Variants in MIB1 observed in about 807,000 individuals in gnomAD.
MIB1 encodes the protein E3 ubiquitin-protein ligase MIB1.
MIB1 carries 278 observed loss-of-function variants against 124.5 expected under a neutral mutation model. The ratio of observed to expected loss-of-function variants is 2.23; its 90% CI spans 2.02 to 2.47. MIB1 has a LOEUF of 2.47. MIB1 is among the 30% of genes most tolerant of loss of function. MIB1 has a pLI of 0.00. For missense variants in MIB1, 957 were observed against 1,254.4 expected, an observed-to-expected ratio of 0.76 and a Z score of 3.58; for synonymous variants, 446 against 429.4, an observed-to-expected ratio of 1.04 and a Z score of -0.48.
intron 3 of MIB1, among the ~76,000 whole-genome samples, chr18:21,772,972 A>G (rs1168392703): frequency 1.3e-5 from 2 of 152,154 alleles, no homozygotes; most frequent in Non-Finnish European, 2.9e-5. Context: ...GCTTAAAAGA[A>G]TATACTGTTC....
chr18:21,851,751 G>C (rs1453847954), intron 17 of MIB1, among the ~76,000 whole-genome samples: 1 of 152,150 alleles, frequency 6.6e-6, no homozygotes, highest in Admixed American at 6.5e-5. Context: ...CTGGAGGCTA[G>C]GTGGCCAACC....
intron 20 of MIB1, among the ~76,000 whole-genome samples, chr18:21,860,358 C>T (rs778481891): frequency 2.7e-4 from 41 of 152,100 alleles, no homozygotes; most frequent in Admixed American, 1.2e-3. Flanking sequence ...ACCTTGGCCT[C>T]CCAGAGTGCT....
chr18:21,755,749 C>G (rs1400518294), intron 1 of MIB1, among the ~76,000 whole-genome samples: 1 of 152,134 alleles, frequency 6.6e-6, no homozygotes, highest in Admixed American at 6.5e-5. Flanking sequence ...CTTTGGAATA[C>G]TTATTTATTT....
chr18:21,763,686 A>G (rs1001330882), intron 1 of MIB1, among the ~76,000 whole-genome samples: 1 of 152,110 alleles, frequency 6.6e-6, no homozygotes, highest in African/African-American at 2.4e-5. Context: ...TTCCTCTTGA[A>G]TGATCTCGTT....
intron 13 of MIB1, among the ~76,000 whole-genome samples, chr18:21,841,965 T>C (rs72888504): frequency 0.01 from 1,556 of 151,346 alleles, 13 homozygotes; most frequent in Non-Finnish European, 0.017. Context: ...GAAATAGACA[T>C]GATAAAGAAT....
chr18:21,751,773 C>G (rs1227402661), intron 1 of MIB1, among the ~76,000 whole-genome samples: 2 of 152,080 alleles, frequency 1.3e-5, no homozygotes, highest in East Asian at 3.9e-4. Context: ...TTTTGCCACA[C>G]TGTCTCTCTC....
chr18:21,757,709 C>T (rs1157486611), intron 1 of MIB1, among the ~76,000 whole-genome samples: 1 of 151,634 alleles, frequency 6.6e-6, no homozygotes, highest in African/African-American at 2.4e-5. Flanking sequence ...TAGTCTCAAA[C>T]TCCTGACCTC....
intron 1 of MIB1, among the ~76,000 whole-genome samples, chr18:21,754,200 G>A (rs901130661): frequency 7.2e-5 from 11 of 152,322 alleles, no homozygotes; most frequent in Non-Finnish European, 1.6e-4. Context: ...AGCAAGCTGG[G>A]ATGGGATGTT....
At chr18:21,817,154 C>CTTTTTTTTT in intron 11 of MIB1, among the ~76,000 whole-genome samples, 1 of 74,998 alleles carries the variant, frequency 1.3e-5, no homozygotes, top group African/African-American at 5.3e-5. Context: ...GTTAGGAATT[C>CTTTTTTTTT]TTTTTTTTTT....
Position 21,870,000 on chromosome 18 carries a change from T to A in MIB1, c.*5334T>A, listed in dbSNP as rs1422065058. 6.6e-6 allele frequency: 1 copy of A among 152,486 alleles called. No individual in the cohort carries two copies. Among genetic ancestry groups the A allele is most frequent in the Non-Finnish European group, 1.5e-5 (1 of 67,962 alleles). 9.4% of individuals were successfully genotyped at this position (152,486 alleles called of 1,614,324 possible). A position where few individuals can be genotyped will look rare whatever the true frequency, so the allele number is the denominator to read the frequency against. On this transcript the variant is annotated 3_prime_UTR_variant, in exon 21 of 21. Coordinates refer to ENST00000261537, the MANE Select transcript of MIB1 (RefSeq NM_020774.4). ...GACTCATAGCAGTGTTTTGTATTTT[T>A]TCTAATTCTTTAGCTTTCAATATTG...
At chr18:21,838,948 G>A (rs1052100754) in intron 13 of MIB1, among the ~76,000 whole-genome samples, 1 of 152,148 alleles carries the variant, frequency 6.6e-6, no homozygotes, top group Admixed American at 6.5e-5. Flanking sequence ...TTTATGGCTC[G>A]ATAGCAGTAC....
intron 10 of MIB1, among the ~76,000 whole-genome samples, chr18:21,814,959 C>T (rs1214353449): frequency 2.6e-4 from 35 of 134,558 alleles, no homozygotes; most frequent in Non-Finnish European, 3.1e-5. Context: ...AAAAAATTGG[C>T]TTACCATCAT....
chr18:21,823,393 C>A (rs1284782466), intron 12 of MIB1, among the ~76,000 whole-genome samples: 1 of 150,258 alleles, frequency 6.7e-6, no homozygotes, highest in Non-Finnish European at 1.5e-5. Context: ...ATAGCAAGAC[C>A]CTGTCTCTAA....
intron 10 of MIB1, 148 bp downstream of exon 10, chr18:21,804,162 T>G: frequency 3.2e-6 from 2 of 628,156 alleles, no homozygotes; most frequent in East Asian, 5.6e-5. Context: ...AGAGGCAACT[T>G]GAAACAGTTC....
chr18:21,779,143 T>G (rs957218457), intron 5 of MIB1, among the ~76,000 whole-genome samples: 1 of 152,186 alleles, frequency 6.6e-6, no homozygotes, highest in Non-Finnish European at 1.5e-5. Flanking sequence ...GTGGTTCTAA[T>G]GCAGTGATAG....
chr18:21,746,936 A>G (rs1216621491), intron 1 of MIB1, among the ~76,000 whole-genome samples: 5 of 152,176 alleles, frequency 3.3e-5, no homozygotes, highest in Non-Finnish European at 7.4e-5. Flanking sequence ...AAAAAATGAA[A>G]TGAATTAATA....
chr18:21,821,814 G>A (rs1598627294), intron 12 of MIB1, among the ~76,000 whole-genome samples: 1 of 152,034 alleles, frequency 6.6e-6, no homozygotes, highest in African/African-American at 2.4e-5. Flanking sequence ...CGTTAGCCAG[G>A]ATGGTCTCGA....
intron 1 of MIB1, among the ~76,000 whole-genome samples, chr18:21,745,675 A>AACACAACACACAC (rs2040903535): frequency 6.9e-6 from 1 of 144,652 alleles, no homozygotes; most frequent in African/African-American, 2.5e-5. Flanking sequence ...ATAGGTGTTA[A>AACACAACACACAC]ACACACACAC....
upstream of MIB1, among the ~76,000 whole-genome samples, chr18:21,738,803 T>C (rs2040807204): frequency 6.2e-5 from 2 of 32,480 alleles, no homozygotes; most frequent in Non-Finnish European, 1.1e-4. Context: ...TGAGACTCCA[T>C]CTCAAAAAAA....
Sources: gnomAD v4.1 joint callset for allele counts (sites outside exome capture counted in the v4.1 genomes callset) on GRCh38, gnomAD v4.1.1 for gene constraint, MANE v1.5 for transcripts, NCBI Gene and HGNC (gene_info 2026-07-23, HGNC 2026-07-21) for gene names.